ST6GALNAC5: variants seen among roughly 807,000 people sequenced by gnomAD.
ST6GALNAC5 encodes the protein ST6 N-acetylgalactosaminide alpha-2,6-sialyltransferase 5.
In ST6GALNAC5, 27 loss-of-function variants were observed where a neutral mutation model predicts 33.6. The observed-to-expected ratio is 0.80, with a 90% CI of 0.59 to 1.11. ST6GALNAC5 has a LOEUF of 1.11. ST6GALNAC5 is among the 50% of genes least tolerant of loss of function. ST6GALNAC5 has a pLI of 0.00. For synonymous variants in ST6GALNAC5, 194 were observed against 171.2 expected, an observed-to-expected ratio of 1.13 and a Z score of -1.04; for missense variants, 428 against 454.0, an observed-to-expected ratio of 0.94 and a Z score of 0.52.
At chr1:77,060,245 T>C (rs890674882) in intron 4 of ST6GALNAC5, 1 of 152,202 alleles carries the variant, frequency 6.6e-6, no homozygotes, top group Non-Finnish European at 1.5e-5. Context: ...CCGCATATCC[T>C]TTCCTTCAGC....
chr1:76,906,522 C>T (rs896813435), intron 2 of ST6GALNAC5, among the ~76,000 whole-genome samples: 6 of 152,074 alleles, frequency 3.9e-5, no homozygotes, highest in Non-Finnish European at 7.3e-5. Flanking sequence ...AGAATTAATG[C>T]CTCTTAAAGT....
In ST6GALNAC5 at chr1:76,875,859, T is replaced by C. The variant is rs558809355; in HGVS notation, c.261+7117T>C. Among the ~76,000 whole-genome samples the C allele has an allele frequency of 1.1e-3, 164 of 152,008 alleles. 2 individuals are homozygous for C. Among genetic ancestry groups the C allele is most frequent in the Non-Finnish European group, 2.0e-3 (139 of 67,954 alleles). ...GCAAAGTACTGTCACCTAGTTGGCA[T>C]TGTAATTGTGACTTCGAAAGGCCAG... On this transcript the variant is annotated intron_variant, in intron 2 of 4. Transcript: ENST00000477717.
At chr1:76,926,424 G>T (rs1340570272) in intron 2 of ST6GALNAC5, among the ~76,000 whole-genome samples, 2 of 152,090 alleles carry the variant, frequency 1.3e-5, no homozygotes, top group African/African-American at 2.4e-5. Context: ...TTATGTAGGG[G>T]TCACTCTCTA....
At chr1:76,870,772 G>C (rs920999712) in intron 2 of ST6GALNAC5, among the ~76,000 whole-genome samples, 3 of 152,122 alleles carry the variant, frequency 2.0e-5, no homozygotes, top group African/African-American at 7.2e-5. Flanking sequence ...GGTCTTTGGA[G>C]ATAATTATGA....
At chr1:76,898,888 G>A (rs982769357) in intron 2 of ST6GALNAC5, among the ~76,000 whole-genome samples, 1 of 152,076 alleles carries the variant, frequency 6.6e-6, no homozygotes, top group East Asian at 1.9e-4. Context: ...TGTAGAAAAG[G>A]TAGATTAGAA....
At chr1:76,948,587 CAG>C (rs60959607) in intron 2 of ST6GALNAC5, among the ~76,000 whole-genome samples, 3,850 of 129,624 alleles carry the variant, frequency 0.03, 49 homozygotes, top group Middle Eastern at 0.042. Flanking sequence ...GGAGTGGGGA[CAG>C]AGAGAGAGAG....
intron 2 of ST6GALNAC5, among the ~76,000 whole-genome samples, chr1:76,881,661 A>C (rs1415247939): frequency 2.0e-5 from 3 of 152,198 alleles, no homozygotes; most frequent in Admixed American, 1.3e-4. Flanking sequence ...ATGAATGAGA[A>C]TATCTACATA....
rs141094845 is a variant in ST6GALNAC5 at position 77,065,435 on chromosome 1, A to G, written c.*2229A>G. 43 of 152,330 alleles carry G rather than the reference A, an allele frequency of 2.8e-4. No individual in the cohort carries two copies. The East Asian group carries it at 7.7e-3, about 27-fold the overall frequency. The allele number at this position is 152,330 out of a possible 1,614,324, so 9.4% of individuals were successfully genotyped here. ...AATACTCAGAAGAATGAAGAGGCCA[A>G]ATTCAGAAAATCATGGCTTCACTGG... On this transcript the variant is annotated 3_prime_UTR_variant, in exon 5 of 5. Transcript: ENST00000477717.
At chr1:76,869,625 C>T (rs1653451627) in intron 2 of ST6GALNAC5, among the ~76,000 whole-genome samples, 1 of 152,084 alleles carries the variant, frequency 6.6e-6, no homozygotes, top group Non-Finnish European at 1.5e-5. Context: ...TTTTATTTTA[C>T]TAAATTTTGT....
chr1:76,961,338 C>T (rs558959259), intron 2 of ST6GALNAC5, among the ~76,000 whole-genome samples: 3 of 152,110 alleles, frequency 2.0e-5, no homozygotes, highest in Non-Finnish European at 4.4e-5. Context: ...GTGAGCTATC[C>T]TGCTTACAAT....
chr1:77,050,434 A>G, intron 4 of ST6GALNAC5, 69 bp downstream of exon 4: 1 of 1,430,064 alleles, frequency 7.0e-7, no homozygotes, highest in Non-Finnish European at 9.8e-7. Context: ...CTGATTCTGA[A>G]TATCAACCAT....
chr1:76,874,340 T>C lies in ST6GALNAC5; in HGVS notation c.261+5598T>C, dbSNP rs865780862. ...TAAGTTAAACCTTCTTGAATGTCTC[T>C]GTAACATATGGTGACCACCTTAACC... On this transcript the variant is annotated intron_variant, in intron 2 of 4. Coordinates refer to ENST00000477717, the MANE Select transcript of ST6GALNAC5 (RefSeq NM_030965.3). Among the ~76,000 whole-genome samples, 3 of 152,228 alleles carry C rather than the reference T, an allele frequency of 2.0e-5. No individual in the cohort carries two copies. In the South Asian group the frequency reaches 6.2e-4, roughly 31 times the overall value.
chr1:77,026,572 A>C (rs1651246396), intron 2 of ST6GALNAC5, among the ~76,000 whole-genome samples: 1 of 152,198 alleles, frequency 6.6e-6, no homozygotes. Flanking sequence ...TCCATGTGCC[A>C]AGCAGCAGCA....
intron 2 of ST6GALNAC5, among the ~76,000 whole-genome samples, chr1:76,879,903 G>A (rs1269178942): frequency 6.6e-6 from 1 of 152,202 alleles, no homozygotes; most frequent in Non-Finnish European, 1.5e-5. Flanking sequence ...GACACTGGGT[G>A]AGGCTGTGCA....
In ST6GALNAC5 at chr1:77,065,665, C is replaced by A. The variant is rs574896215; in HGVS notation, c.*2459C>A. The A allele has an allele frequency of 1.3e-5, 2 of 152,142 alleles. No individual in the cohort carries two copies. Among genetic ancestry groups the A allele is most frequent in the Non-Finnish European group, 2.9e-5 (2 of 68,034 alleles). The allele number at this position is 152,142 out of a possible 1,614,324, so 9.4% of individuals were successfully genotyped here. A position where few individuals can be genotyped will look rare whatever the true frequency, so the allele number is the denominator to read the frequency against. ...CTTCCCACTACCATTTCATGACTGT[C>A]GTCTGAACACTATTCAACACCATTA... On this transcript the variant is annotated 3_prime_UTR_variant, in exon 5 of 5. Coordinates refer to ENST00000477717, the MANE Select transcript of ST6GALNAC5 (RefSeq NM_030965.3).
At chr1:77,052,403 G>C in intron 4 of ST6GALNAC5, among the ~76,000 whole-genome samples, 1 of 152,144 alleles carries the variant, frequency 6.6e-6, no homozygotes, top group East Asian at 1.9e-4. Context: ...GTTGGGTCTT[G>C]AGGCTTGTTT....
chr1:76,870,862 C>A (rs895217069), intron 2 of ST6GALNAC5, among the ~76,000 whole-genome samples: 4 of 152,142 alleles, frequency 2.6e-5, no homozygotes, highest in African/African-American at 9.7e-5. Context: ...TTCACGTCAC[C>A]ACAAGCAAAG....
intron 2 of ST6GALNAC5, among the ~76,000 whole-genome samples, chr1:76,955,957 C>T (rs377057716): frequency 1.6e-4 from 24 of 152,240 alleles, no homozygotes; most frequent in African/African-American, 5.5e-4. Flanking sequence ...ACCACTGTCT[C>T]CACCACCTCC....
chr1:76,958,289 A>G (rs1189001668), intron 2 of ST6GALNAC5, among the ~76,000 whole-genome samples: 1 of 152,194 alleles, frequency 6.6e-6, no homozygotes, highest in African/African-American at 2.4e-5. Context: ...ATTTCTGATT[A>G]GAAGTGTTTA....
Sources: allele counts gnomAD v4.1 joint callset (sites outside exome capture counted in the v4.1 genomes callset), GRCh38; gene constraint gnomAD v4.1.1; transcripts MANE v1.5; gene names NCBI Gene and HGNC (gene_info 2026-07-23, HGNC 2026-07-21).